Variants in SORL1 observed in about 807,000 individuals in gnomAD.
SORL1 encodes sortilin related receptor 1, also known as sortilin-related receptor.
In SORL1, 127 loss-of-function variants were observed where a neutral mutation model predicts 273.7. The observed-to-expected ratio is 0.46, with a 90% CI of 0.40 to 0.54. The LOEUF is 0.54. Ranked by LOEUF, SORL1 falls within the 20% of genes least tolerant of loss-of-function variation. SORL1 has a pLI of 0.00. For synonymous variants in SORL1, 1,031 were observed against 1,067.4 expected, an observed-to-expected ratio of 0.97 and a Z score of 0.66; for missense variants, 2,494 against 2,846.1, an observed-to-expected ratio of 0.88 and a Z score of 2.81.
At position 121,633,594 on chromosome 11, in the gene SORL1, T is replaced by C. The variant is rs1163432605; in HGVS notation, c.*4031T>C. 1 of 152,256 alleles carries C rather than the reference T, an allele frequency of 6.6e-6. No homozygotes were observed. Among genetic ancestry groups the C allele is most frequent in the Non-Finnish European group, 1.5e-5 (1 of 68,044 alleles). The allele number at this position is 152,256 out of a possible 1,614,324, so 9.4% of individuals were successfully genotyped here. A position where few individuals can be genotyped will look rare whatever the true frequency, so the allele number is the denominator to read the frequency against. ...CACTGAAATCTGCTGAAGGTTTTACTGTATTGTTGCACAACTTTAAGATAA... is the reference window on the plus strand; with the variant it reads ...CACTGAAATCTGCTGAAGGTTTTACCGTATTGTTGCACAACTTTAAGATAA... On this transcript the variant is annotated 3_prime_UTR_variant, in exon 48 of 48. Transcript: ENST00000260197.
At chr11:121,461,498 TC>T (rs1861000695) in intron 1 of SORL1, among the ~76,000 whole-genome samples, 1 of 152,152 alleles carries the variant, frequency 6.6e-6, no homozygotes, top group East Asian at 1.9e-4. Context: ...TTTAATGCAC[TC>T]CCCCTTCTCC....
In SORL1 at chr11:121,629,844, T is replaced by G. The variant is rs1863850284; in HGVS notation, c.*281T>G. On this transcript the variant is annotated 3_prime_UTR_variant, in exon 48 of 48. Transcript: ENST00000260197. ...CTTGCTGGGCATGCTTTTACGTCTGTGAGATAATTTCGGTTCAGTAAATTG... is the reference window on the plus strand; with the variant it reads ...CTTGCTGGGCATGCTTTTACGTCTGGGAGATAATTTCGGTTCAGTAAATTG... The G allele has an allele frequency of 1.8e-5, 7 of 384,046 alleles. No individual in the cohort carries two copies. In the South Asian group the frequency reaches 2.7e-4, roughly 15 times the overall value. 23.8% of individuals were successfully genotyped at this position (384,046 alleles called of 1,614,324 possible). A position where few individuals can be genotyped will look rare whatever the true frequency, so the allele number is the denominator to read the frequency against.
intron 4 of SORL1, among the ~76,000 whole-genome samples, 162 bp from the exon 5 acceptor site, chr11:121,489,881 C>T (rs1861526806): frequency 6.6e-6 from 1 of 152,148 alleles, no homozygotes; most frequent in South Asian, 2.1e-4. Context: ...CCTTTCTTGC[C>T]CTTGTTTGCT....
At chr11:121,604,132 C>G in intron 32 of SORL1, 61 bp from the exon 33 acceptor site, 1 of 1,586,314 alleles carries the variant, frequency 6.3e-7, no homozygotes, top group Non-Finnish European at 8.6e-7. Flanking sequence ...TAAACTTGGG[C>G]CCAGCCTTTA....
chr11:121,504,457 G>T (rs76771524), intron 6 of SORL1, among the ~76,000 whole-genome samples: 1 of 152,040 alleles, frequency 6.6e-6, no homozygotes, highest in South Asian at 2.1e-4. Flanking sequence ...CATTGTAAAT[G>T]GTTCTTTTCT....
intron 34 of SORL1, 47 bp from the exon 35 acceptor site, chr11:121,605,355 C>G: frequency 6.3e-7 from 1 of 1,589,516 alleles, no homozygotes; most frequent in Non-Finnish European, 8.6e-7. Context: ...ATCTCAGCCC[C>G]CCATGCTGCT....
At position 121,570,165 on chromosome 11, in the gene SORL1, T is replaced by C; in HGVS notation, c.3232T>C (p.Cys1078Arg). 6 of 1,613,264 alleles carry C rather than the reference T, an allele frequency of 3.7e-6. No homozygotes were observed. The highest frequency in any genetic ancestry group is 4.2e-6 in the Non-Finnish European group (5 of 1,179,198). The change falls in exon 23 of 48, where the codon TGT becomes CGT. Residue 1078 changes from cysteine (C) to arginine (R), a missense_variant. Coordinates refer to ENST00000260197, the MANE Select transcript of SORL1 (RefSeq NM_003105.6). ...CGCACTCTGATGGGTAGAGAACACC[T>C]GTCTTCGCAACCAGTATCGCTGCAG... ...NNTCVKQENT[C>R]LRNQYRCSNG... is the part of the protein sequence containing the mutation.
rs757232341 is a variant in SORL1 at position 121,490,071 on chromosome 11, C to A, written c.719C>A (p.Thr240Asn). The change falls in exon 5 of 48, where the codon ACC (threonine) becomes AAC (asparagine). Residue 240 changes from threonine to asparagine, a missense_variant. By Grantham distance (65) the Thr-to-Asn change is moderately conservative. Transcript: ENST00000260197. ...QLWKSDDFGQTWIMIQEHVKS... is the reference protein window; with the variant it reads ...QLWKSDDFGQNWIMIQEHVKS... ...TGGAAGTCAGATGACTTTGGCCAGA[C>A]CTGGATCATGATTCAGGAACATGTC... 1.9e-6 allele frequency: 3 copies of A among 1,614,004 alleles called. No individual in the cohort carries two copies. The highest frequency in any genetic ancestry group is 2.5e-6 in the Non-Finnish European group (3 of 1,179,884).
At chr11:121,582,894 T>C (rs1863033563) in intron 25 of SORL1, among the ~76,000 whole-genome samples, 1 of 152,172 alleles carries the variant, frequency 6.6e-6, no homozygotes, top group Non-Finnish European at 1.5e-5. Flanking sequence ...CTTCCAGAAC[T>C]TAGCAGGGCC....
intron 2 of SORL1, among the ~76,000 whole-genome samples, chr11:121,475,852 A>G (rs535320191): frequency 2.0e-5 from 3 of 152,252 alleles, no homozygotes; most frequent in Admixed American, 1.3e-4. Flanking sequence ...GATTCATTCA[A>G]TTCATTCTTT....
At chr11:121,483,919 G>A (rs542655703) in intron 3 of SORL1, among the ~76,000 whole-genome samples, 2 of 152,210 alleles carry the variant, frequency 1.3e-5, no homozygotes, top group East Asian at 3.9e-4. Context: ...TTCAAGGATG[G>A]ACATGTGACC....
intron 1 of SORL1, among the ~76,000 whole-genome samples, chr11:121,465,123 C>T (rs1358056990): frequency 2.0e-5 from 3 of 152,172 alleles, no homozygotes; most frequent in South Asian, 2.1e-4. Context: ...ACATTTCCAT[C>T]GCTCTGAAAT....
rs80208821 is a variant in SORL1 at position 121,522,466 on chromosome 11, C to A, written c.1405-120C>A. Reference sequence around the variant, plus strand: ...CAGCTGGGCTGTGAGTCTGGTTTCCCCTGGGCCAGGCCTCCTTGCCCCGTG... The same window carrying A: ...CAGCTGGGCTGTGAGTCTGGTTTCCACTGGGCCAGGCCTCCTTGCCCCGTG... On this transcript the variant is annotated intron_variant, in intron 9 of 47. Transcript: ENST00000260197. The A allele has an allele frequency of 3.4e-3, 2,524 of 750,444 alleles. 54 individuals are homozygous for A. In the African/African-American group the frequency reaches 0.037, roughly 11 times the overall value. The allele number at this position is 750,444 out of a possible 1,614,324, so 46.5% of individuals were successfully genotyped here.
At chr11:121,594,969 G>A (rs1009138655) in intron 31 of SORL1, among the ~76,000 whole-genome samples, 1 of 152,148 alleles carries the variant, frequency 6.6e-6, no homozygotes, top group Non-Finnish European at 1.5e-5. Context: ...TAGGATCCTC[G>A]GAGAAGAGGA....
chr11:121,555,401 G>A, intron 18 of SORL1, 83 bp downstream of exon 18: 5 of 1,522,768 alleles, frequency 3.3e-6, no homozygotes, highest in Non-Finnish European at 4.5e-6. Flanking sequence ...CAGAGGCAAG[G>A]GCCAGTGTGT....
chr11:121,483,148 C>T (rs917909605), intron 3 of SORL1, among the ~76,000 whole-genome samples: 2 of 152,244 alleles, frequency 1.3e-5, no homozygotes, highest in Admixed American at 1.3e-4. Context: ...ATCCTGGGCA[C>T]AATCATAGCT....
At chr11:121,532,732 C>T (rs566954696) in intron 12 of SORL1, among the ~76,000 whole-genome samples, 180 bp downstream of exon 12, 2 of 151,126 alleles carry the variant, frequency 1.3e-5, no homozygotes, top group East Asian at 3.9e-4. Flanking sequence ...CTCCCCCAGG[C>T]AGGAATACAA....
At chr11:121,489,119 A>G (rs1861515690) in intron 4 of SORL1, among the ~76,000 whole-genome samples, 1 of 152,112 alleles carries the variant, frequency 6.6e-6, no homozygotes, top group Admixed American at 6.5e-5. Flanking sequence ...ACAGCCGTGT[A>G]TTCAGTTGGT....
At chr11:121,469,041 G>A (rs915085758) in intron 1 of SORL1, among the ~76,000 whole-genome samples, 21 of 152,200 alleles carry the variant, frequency 1.4e-4, no homozygotes, top group Middle Eastern at 3.2e-3. Flanking sequence ...TTGAGGCTCC[G>A]GGTTATGAGA....
Sources: gnomAD v4.1 joint callset for allele counts (sites outside exome capture counted in the v4.1 genomes callset) on GRCh38, gnomAD v4.1.1 for gene constraint, MANE v1.5 for transcripts, NCBI Gene and HGNC (gene_info 2026-07-23, HGNC 2026-07-21) for gene names.